Variants in GPR141 observed in about 807,000 individuals in gnomAD.
The protein encoded by GPR141 is probable G protein-coupled receptor 141.
Under a neutral mutation model 6.8 loss-of-function variants are expected in GPR141, and 6 were observed. The ratio of observed to expected loss-of-function variants is 0.88; its 90% CI spans 0.48 to 1.74. The LOEUF is 1.74. GPR141 is among the 40% of genes most tolerant of loss of function. The probability of loss-of-function intolerance (pLI) is 0.01; values close to 1 mark genes in which losing one functional copy is unlikely to be tolerated. For missense variants in GPR141, 372 were observed against 372.9 expected (o/e 1.00, Z 0.02); for synonymous variants, 140 against 142.3 (o/e 0.98, Z 0.11).
intron 2 of GPR141, among the ~76,000 whole-genome samples, chr7:37,701,169 TC>T (rs1410047763): frequency 6.6e-6 from 1 of 152,224 alleles, no homozygotes; most frequent in Non-Finnish European, 1.5e-5. Context: ...AGAAAAGTCT[TC>T]CAAGTGCTTC....
intron 2 of GPR141, among the ~76,000 whole-genome samples, chr7:37,715,530 A>T (rs769202300): frequency 6.6e-6 from 1 of 152,212 alleles, no homozygotes; most frequent in Non-Finnish European, 1.5e-5. Flanking sequence ...TTCAGCATCC[A>T]GTCTTACGCT....
chr7:37,699,649 G>A (rs1810191402), intron 2 of GPR141, among the ~76,000 whole-genome samples: 2 of 152,278 alleles, frequency 1.3e-5, no homozygotes, highest in Middle Eastern at 3.4e-3. Context: ...GGGCCCTTTG[G>A]CTATAGTTTG....
intron 2 of GPR141, among the ~76,000 whole-genome samples, chr7:37,724,249 G>T (rs1292117325): frequency 6.6e-6 from 1 of 152,052 alleles, no homozygotes; most frequent in African/African-American, 2.4e-5. Context: ...GATGAGTGAG[G>T]CTGCAGATCT....
chr7:37,722,085 C>G (rs1223839715), intron 2 of GPR141, among the ~76,000 whole-genome samples: 2 of 152,172 alleles, frequency 1.3e-5, no homozygotes, highest in Non-Finnish European at 2.9e-5. Context: ...CACTATTAAT[C>G]TATATCCACA....
At chr7:37,713,048 A>G (rs1810883244) in intron 2 of GPR141, among the ~76,000 whole-genome samples, 1 of 152,246 alleles carries the variant, frequency 6.6e-6, no homozygotes, top group African/African-American at 2.4e-5. Context: ...TGCCAGAGCC[A>G]CAAGCTAGCA....
At chr7:37,697,766 C>T (rs1810091374) in intron 2 of GPR141, among the ~76,000 whole-genome samples, 1 of 152,216 alleles carries the variant, frequency 6.6e-6, no homozygotes, top group African/African-American at 2.4e-5. Context: ...GCACCAGTCT[C>T]TCCACAAATT....
Position 37,708,310 on chromosome 7 carries a change from C to CAAAAAAAAAAAAAAAAA in GPR141, c.-15+22736_-15+22752dup, listed in dbSNP as rs66783277. Among the ~76,000 whole-genome samples the CAAAAAAAAAAAAAAAAA allele has an allele frequency of 6.7e-5, 4 of 59,778 alleles. 1 individual carries two copies. Among genetic ancestry groups the CAAAAAAAAAAAAAAAAA allele is most frequent in the Non-Finnish European group, 8.4e-5 (3 of 35,882 alleles). 39.2% of individuals were successfully genotyped at this position (59,778 alleles called of 152,430 possible). On this transcript the variant is annotated intron_variant, in intron 2 of 2. Coordinates refer to ENST00000334425, the MANE Select transcript of GPR141 (RefSeq NM_001381946.1). The stretch of plus-strand genomic sequence containing the variant: ...ATACTGCCTCTTGACAAATTGCTGG[C>CAAAAAAAAAAAAAAAAA]AAAAAAAAAAAAAAAAAAAAAAAAA...
chr7:37,697,017 A>G (rs990226691), intron 2 of GPR141, among the ~76,000 whole-genome samples: 2 of 152,216 alleles, frequency 1.3e-5, no homozygotes, highest in African/African-American at 4.8e-5. Context: ...AGATTCAAAG[A>G]TATTTTTATA....
intron 2 of GPR141, among the ~76,000 whole-genome samples, chr7:37,724,455 A>G (rs752200920): frequency 3.9e-5 from 6 of 152,180 alleles, no homozygotes; most frequent in African/African-American, 7.2e-5. Context: ...AACCTTCTGC[A>G]GTGAATTTCT....
chr7:37,701,901 A>T (rs961181078), intron 2 of GPR141, among the ~76,000 whole-genome samples: 1 of 152,164 alleles, frequency 6.6e-6, no homozygotes, highest in Non-Finnish European at 1.5e-5. Flanking sequence ...TTTTCCTCTC[A>T]AACTTATTTC....
chr7:37,719,338 A>T (rs1052327583), intron 2 of GPR141, among the ~76,000 whole-genome samples: 3 of 152,192 alleles, frequency 2.0e-5, no homozygotes, highest in Admixed American at 2.0e-4. Flanking sequence ...TTGTCTGACC[A>T]TCAGACTCAG....
chr7:37,724,392 A>G (rs1180671860), intron 2 of GPR141, among the ~76,000 whole-genome samples: 1 of 152,198 alleles, frequency 6.6e-6, no homozygotes, highest in Admixed American at 6.5e-5. Flanking sequence ...TGTGAGAGAG[A>G]GTTCGAATAT....
chr7:37,683,959 A>C (rs1034677073), intron 1 of GPR141, 56 bp downstream of exon 1: 4 of 152,204 alleles, frequency 2.6e-5, no homozygotes, highest in African/African-American at 9.7e-5. Flanking sequence ...TATAGAAATA[A>C]AGCACACTTA....
chr7:37,740,632 C>G lies in GPR141; in HGVS notation c.239C>G (p.Thr80Ser), dbSNP rs1812494301. The change falls in exon 3 of 3, where the codon ACT becomes AGT. Residue 80 changes from threonine (T) to serine (S), a missense_variant. By Grantham distance (58) the Thr-to-Ser change is moderately conservative. Coordinates refer to ENST00000334425, the MANE Select transcript of GPR141 (RefSeq NM_001381946.1). ...CGCTTGACCTACCTCATCAAGAAGA[C>G]TTGGATGTTTGGGCTGCCCTTCTGC... ...PFRLTYLIKKTWMFGLPFCKF... is the reference protein window; with the variant it reads ...PFRLTYLIKKSWMFGLPFCKF... 6.2e-7 allele frequency: 1 copy of G among 1,613,994 alleles called. No individual in the cohort carries two copies. The highest frequency in any genetic ancestry group is 8.5e-7 in the Non-Finnish European group (1 of 1,179,984).
intron 2 of GPR141, among the ~76,000 whole-genome samples, chr7:37,726,673 G>T (rs1811645432): frequency 6.6e-6 from 1 of 152,102 alleles, no homozygotes. Context: ...AAAGCATGCT[G>T]CCTTTATCCT....
intron 2 of GPR141, among the ~76,000 whole-genome samples, chr7:37,737,769 C>T (rs1812317770): frequency 6.6e-6 from 1 of 152,072 alleles, no homozygotes; most frequent in Admixed American, 6.6e-5. Context: ...GTGCAACAGA[C>T]TAGCAGAAAC....
chr7:37,685,742 C>G (rs1420743996), intron 2 of GPR141, among the ~76,000 whole-genome samples, 159 bp downstream of exon 2: 1 of 147,312 alleles, frequency 6.8e-6, no homozygotes, highest in Admixed American at 6.8e-5. Context: ...AGCCACTGTG[C>G]CTGGCAGCAC....
chr7:37,733,671 C>CAAAAA (rs55943222), intron 2 of GPR141, among the ~76,000 whole-genome samples: 1 of 101,306 alleles, frequency 9.9e-6, no homozygotes, highest in Non-Finnish European at 1.9e-5. Context: ...AACTCCATCT[C>CAAAAA]AAAAAAAAAA....
intron 2 of GPR141, among the ~76,000 whole-genome samples, chr7:37,701,138 T>C (rs778118919): frequency 2.0e-5 from 3 of 152,328 alleles, no homozygotes; most frequent in African/African-American, 7.2e-5. Context: ...ATACATCTTA[T>C]GATTCGTTGT....
Sources: allele counts gnomAD v4.1 joint callset (sites outside exome capture counted in the v4.1 genomes callset), GRCh38; gene constraint gnomAD v4.1.1; transcripts MANE v1.5; gene names NCBI Gene and HGNC (gene_info 2026-07-23, HGNC 2026-07-21).